GRID2: variants seen among roughly 807,000 people sequenced by gnomAD.
GRID2 encodes the protein glutamate ionotropic receptor delta type subunit 2, also known as glutamate receptor ionotropic, delta-2.
In GRID2, 33 loss-of-function variants were observed where a neutral mutation model predicts 114.8. The observed-to-expected ratio is 0.29, with a 90% CI of 0.22 to 0.38. GRID2 has a LOEUF of 0.38. GRID2 is among the 10% of genes least tolerant of loss of function. The pLI is 1.00. For synonymous variants in GRID2, 505 were observed against 449.9 expected (o/e 1.12, Z -1.55); for missense variants, 1,184 against 1,257.7 (o/e 0.94, Z 0.89).
At chr4:92,646,059 G>A (rs150178582) in intron 2 of GRID2, among the ~76,000 whole-genome samples, 150 of 151,736 alleles carry the variant, frequency 9.9e-4, no homozygotes, top group African/African-American at 3.5e-3. Context: ...GACTCCTACC[G>A]GCTTCGTAGG....
intron 1 of GRID2, among the ~76,000 whole-genome samples, chr4:92,345,734 C>G (rs1727731231): frequency 6.6e-6 from 1 of 152,090 alleles, no homozygotes; most frequent in Non-Finnish European, 1.5e-5. Flanking sequence ...ATATCTTCTG[C>G]TTATTTAAAG....
intron 14 of GRID2, among the ~76,000 whole-genome samples, chr4:93,744,729 T>C (rs1426766508): frequency 6.6e-6 from 1 of 152,200 alleles, no homozygotes; most frequent in Non-Finnish European, 1.5e-5. Flanking sequence ...GCTGACTCCA[T>C]TTCAAAAGAC....
At chr4:93,686,007 A>G (rs1029550025) in intron 14 of GRID2, among the ~76,000 whole-genome samples, 7 of 152,026 alleles carry the variant, frequency 4.6e-5, no homozygotes, top group African/African-American at 1.4e-4. Context: ...TACCACCACT[A>G]CTACTGCTGC....
intron 3 of GRID2, among the ~76,000 whole-genome samples, chr4:93,101,256 A>G (rs1731679198): frequency 1.3e-5 from 2 of 152,250 alleles, no homozygotes; most frequent in East Asian, 1.9e-4. Flanking sequence ...TTAAATATTT[A>G]TCTTTGCAAT....
At chr4:93,768,347 G>A (rs1733840591) in intron 14 of GRID2, among the ~76,000 whole-genome samples, 1 of 152,180 alleles carries the variant, frequency 6.6e-6, no homozygotes, top group Admixed American at 6.5e-5. Context: ...GCTGGAGGAG[G>A]GCCACATCTA....
chr4:93,589,828 T>G lies in GRID2; in HGVS notation c.2194-36441T>G, dbSNP rs574044807. Among the ~76,000 whole-genome samples the G allele has an allele frequency of 5.1e-4, 78 of 152,144 alleles. No homozygotes were observed. The East Asian group carries it at 0.014, about 28-fold the overall frequency. On this transcript the variant is annotated intron_variant, in intron 13 of 15. Transcript: ENST00000282020. The stretch of plus-strand genomic sequence containing the variant: ...GTGATGGTGAGCATTTTTTCATGTG[T>G]TTTTTGGCTGCATAAATGTCTTCTT...
chr4:92,823,431 C>T (rs1040839333), intron 2 of GRID2, among the ~76,000 whole-genome samples: 4 of 151,974 alleles, frequency 2.6e-5, no homozygotes, highest in Admixed American at 6.6e-5. Flanking sequence ...TTATTGAATC[C>T]GTAATAGGTG....
At chr4:92,775,038 T>C (rs1045831409) in intron 2 of GRID2, among the ~76,000 whole-genome samples, 11 of 152,192 alleles carry the variant, frequency 7.2e-5, no homozygotes, top group African/African-American at 2.7e-4. Context: ...AAGATCCATT[T>C]TGCCTGTAAG....
intron 4 of GRID2, among the ~76,000 whole-genome samples, chr4:93,154,263 A>C (rs997330488): frequency 6.6e-6 from 1 of 152,008 alleles, no homozygotes; most frequent in African/African-American, 2.4e-5. Context: ...ACAGTTCATA[A>C]ATATCTGCAG....
At chr4:92,540,285 A>T (rs1414392559) in intron 1 of GRID2, among the ~76,000 whole-genome samples, 8 of 152,210 alleles carry the variant, frequency 5.3e-5, no homozygotes, top group Non-Finnish European at 1.0e-4. Flanking sequence ...CAAAAGCCAA[A>T]ATTGACAAAT....
intron 1 of GRID2, among the ~76,000 whole-genome samples, chr4:92,523,392 A>T (rs188119661): frequency 1.4e-3 from 212 of 152,148 alleles, no homozygotes; most frequent in Admixed American, 4.7e-3. Context: ...CAAGCAGAGC[A>T]TATAAGTTAA....
chr4:93,737,784 T>C (rs1030441589), intron 14 of GRID2, among the ~76,000 whole-genome samples: 1 of 152,140 alleles, frequency 6.6e-6, no homozygotes, highest in Admixed American at 6.6e-5. Flanking sequence ...TATACAGATA[T>C]AGTCAAGTTT....
At chr4:92,411,798 C>T (rs1338598982) in intron 1 of GRID2, among the ~76,000 whole-genome samples, 8 of 151,186 alleles carry the variant, frequency 5.3e-5, no homozygotes, top group South Asian at 2.1e-4. Context: ...CTCCGCCTCC[C>T]GGGTTCACGC....
chr4:92,766,717 G>T lies in GRID2; in HGVS notation c.244+176431G>T, dbSNP rs180873521. Among the ~76,000 whole-genome samples the T allele has an allele frequency of 7.4e-3, 1,130 of 152,254 alleles. 8 individuals carry two copies. The highest frequency in any genetic ancestry group is 0.011 in the Non-Finnish European group (761 of 68,016). ...ATATAATGTGATTTTGAACAAAATT[G>T]TTGCTTACTGAAGATGCAGTTTCAT... On this transcript the variant is annotated intron_variant, in intron 2 of 15. Transcript: ENST00000282020.
At chr4:93,593,239 G>A (rs2149619707) in intron 13 of GRID2, among the ~76,000 whole-genome samples, 1 of 145,742 alleles carries the variant, frequency 6.9e-6, no homozygotes, top group South Asian at 2.3e-4. Context: ...AGCTCTTTTA[G>A]GGCAGGCCTG....
At chr4:93,187,477 C>T (rs915610612) in intron 4 of GRID2, among the ~76,000 whole-genome samples, 6 of 151,998 alleles carry the variant, frequency 3.9e-5, no homozygotes, top group Admixed American at 2.6e-4. Context: ...GGTTTCATCA[C>T]GTTGGCCAGG....
intron 8 of GRID2, among the ~76,000 whole-genome samples, chr4:93,375,214 C>CTTTTTT (rs373891256): frequency 8.9e-5 from 12 of 135,324 alleles, no homozygotes; most frequent in African/African-American, 3.4e-4. Flanking sequence ...CTTTTTTTCC[C>CTTTTTT]TTTTTTTTTT....
chr4:92,601,179 G>C (rs1479096963), intron 2 of GRID2, among the ~76,000 whole-genome samples: 1 of 152,214 alleles, frequency 6.6e-6, no homozygotes, highest in Non-Finnish European at 1.5e-5. Flanking sequence ...CACAGATCAA[G>C]TGGACCTGAT....
At chr4:93,592,144 A>T (rs1420474390) in intron 13 of GRID2, among the ~76,000 whole-genome samples, 1 of 151,546 alleles carries the variant, frequency 6.6e-6, no homozygotes. Flanking sequence ...TTTAATTGTG[A>T]TGTTAGGGTG....
Sources: gnomAD v4.1 joint callset for allele counts (sites outside exome capture counted in the v4.1 genomes callset) on GRCh38, gnomAD v4.1.1 for gene constraint, MANE v1.5 for transcripts, NCBI Gene and HGNC (gene_info 2026-07-23, HGNC 2026-07-21) for gene names.